Variants in PTPN13 observed in about 807,000 individuals in gnomAD.
The protein encoded by PTPN13 is protein tyrosine phosphatase non-receptor type 13.
In PTPN13, 191 loss-of-function variants were observed where a neutral mutation model predicts 284.0. That is an observed-to-expected ratio of 0.67 (90% CI 0.60 to 0.76). PTPN13 has a LOEUF of 0.76. PTPN13 is among the 30% of genes least tolerant of loss of function. The pLI is 0.00. For missense variants in PTPN13, 2,797 were observed against 2,939.9 expected, an observed-to-expected ratio of 0.95 and a Z score of 1.12; for synonymous variants, 986 against 1,022.3, an observed-to-expected ratio of 0.96 and a Z score of 0.68.
intron 27 of PTPN13, among the ~76,000 whole-genome samples, chr4:86,767,574 A>G (rs892543621): frequency 6.6e-6 from 1 of 152,082 alleles, no homozygotes; most frequent in African/African-American, 2.4e-5. Flanking sequence ...CATGTATTAT[A>G]TTTATAATAG....
intron 32 of PTPN13, among the ~76,000 whole-genome samples, chr4:86,774,168 T>G (rs905016392): frequency 2.0e-4 from 31 of 152,148 alleles, no homozygotes; most frequent in Non-Finnish European, 4.3e-4. Flanking sequence ...AACATAACTT[T>G]TACGTGGGAT....
At position 86,734,783 on chromosome 4, in the gene PTPN13, A is replaced by G. The variant is rs1439862876; in HGVS notation, c.2059A>G (p.Ile687Val). The change falls in exon 14 of 48, where the codon ATT (isoleucine) becomes GTT (valine). Residue 687 changes from isoleucine (I) to valine (V), a missense_variant. Physicochemically the swap from Ile to Val is conservative, Grantham distance 29 (BLOSUM62 3). Coordinates refer to ENST00000411767, the MANE Select transcript of PTPN13 (RefSeq NM_080683.3). The stretch of plus-strand genomic sequence containing the variant: ...GTATTACCTTCAGCTTCGAAAAGAT[A>G]TTTTGGAGGAAAGGATGCACTGTGA... ...HQYYLQLRKD[I>V]LEERMHCDDE... is the part of the protein sequence containing the mutation. The G allele has an allele frequency of 1.2e-6, 2 of 1,613,266 alleles. No individual in the cohort carries two copies. The highest frequency in any genetic ancestry group is 2.2e-5 in the East Asian group (1 of 44,872).
chr4:86,715,992 A>T (rs1426331312), intron 7 of PTPN13, among the ~76,000 whole-genome samples: 2 of 152,176 alleles, frequency 1.3e-5, no homozygotes, highest in Admixed American at 6.5e-5. Flanking sequence ...TGCTTATCTT[A>T]TTCTGGTGGA....
intron 26 of PTPN13, among the ~76,000 whole-genome samples, chr4:86,765,913 C>T (rs868457482): frequency 7.9e-5 from 12 of 151,884 alleles, no homozygotes; most frequent in Non-Finnish European, 1.5e-4. Flanking sequence ...CTGCAACCTC[C>T]GCCTCCTGGG....
intron 3 of PTPN13, among the ~76,000 whole-genome samples, chr4:86,684,010 T>A (rs1729176601): frequency 6.6e-6 from 1 of 152,166 alleles, no homozygotes; most frequent in African/African-American, 2.4e-5. Flanking sequence ...CTTGAACTTC[T>A]TGCACATTTA....
At chr4:86,745,734 C>G (rs1261385696) in intron 17 of PTPN13, among the ~76,000 whole-genome samples, 1 of 151,898 alleles carries the variant, frequency 6.6e-6, no homozygotes, top group Non-Finnish European at 1.5e-5. Flanking sequence ...TGAGGTCGCA[C>G]CATTGCACTC....
In PTPN13 at chr4:86,701,260, T is replaced by A. The variant is rs767517226; in HGVS notation, c.654T>A (p.Asp218Glu). ...TTCCAGGAAGAAGCTCTACTTCTGA[T>A]GTACTAGACATACAAAAGCCTCCAC... ...GLPTGRSSTS[D>E]VLDIQKPPLS... is the part of the protein sequence containing the mutation. The change falls in exon 7 of 48, where the codon GAT (aspartate) becomes GAA (glutamate). Residue 218 changes from aspartate (D) to glutamate (E), a missense_variant. Physicochemically the swap from Asp to Glu is conservative, Grantham distance 45. Transcript: ENST00000411767. 11 of 1,569,570 alleles carry A rather than the reference T, an allele frequency of 7.0e-6. No individual in the cohort carries two copies. Among genetic ancestry groups the A allele is most frequent in the Admixed American group, 2.0e-5 (1 of 50,814 alleles).
At chr4:86,803,940 T>C (rs2149375180) in intron 43 of PTPN13, 83 bp downstream of exon 43, 2 of 1,466,584 alleles carry the variant, frequency 1.4e-6, no homozygotes. Flanking sequence ...GGCCCAAGAT[T>C]AGAAGAATTT....
chr4:86,711,098 CTTT>C (rs58186398), intron 7 of PTPN13, among the ~76,000 whole-genome samples: 2 of 97,104 alleles, frequency 2.1e-5, no homozygotes, highest in African/African-American at 3.9e-5. Flanking sequence ...TAATTATTGC[CTTT>C]TTTTTTTTTT....
chr4:86,712,886 A>G (rs1323258455), intron 7 of PTPN13, among the ~76,000 whole-genome samples: 1 of 152,134 alleles, frequency 6.6e-6, no homozygotes, highest in Non-Finnish European at 1.5e-5. Flanking sequence ...AAGAAAAAAG[A>G]AAATAAAACA....
At chr4:86,742,805 A>T (rs1039293867) in intron 16 of PTPN13, among the ~76,000 whole-genome samples, 2 of 152,212 alleles carry the variant, frequency 1.3e-5, no homozygotes, top group Non-Finnish European at 2.9e-5. Flanking sequence ...AGATTGATTA[A>T]TTATAAATCC....
At chr4:86,700,341 A>G (rs572871770) in intron 6 of PTPN13, among the ~76,000 whole-genome samples, 1 of 152,288 alleles carries the variant, frequency 6.6e-6, no homozygotes, top group Admixed American at 6.5e-5. Flanking sequence ...GTTAGTGACT[A>G]TAAAATATTT....
At position 86,597,999 on chromosome 4, in the gene PTPN13, T is replaced by C. The variant is rs189918318; in HGVS notation, c.-6+3210T>C. Among the ~76,000 whole-genome samples the C allele has an allele frequency of 3.0e-4, 45 of 152,350 alleles. 1 individual carries two copies. Among genetic ancestry groups the C allele is most frequent in the African/African-American group, 1.1e-3 (44 of 41,580 alleles). On this transcript the variant is annotated intron_variant, in intron 1 of 47. Coordinates refer to ENST00000411767, the MANE Select transcript of PTPN13 (RefSeq NM_080683.3). ...ACACTGGAAAAGTATGAAAATTCTC[T>C]GAAACAAACTGTCTCAAAGAAAATC...
rs553224996 is a variant in PTPN13 at position 86,779,035 on chromosome 4, T to C, written c.5892-1367T>C. Among the ~76,000 whole-genome samples, 18 of 151,350 alleles carry C rather than the reference T, an allele frequency of 1.2e-4. No homozygotes were observed. The South Asian group carries it at 3.8e-3, about 32-fold the overall frequency. On this transcript the variant is annotated intron_variant, in intron 35 of 47. Transcript: ENST00000411767. ...CTAGCCAAGAACCTATATGGCCTTC[T>C]TTTGGACAAACCTTGAAAATGTTTC...
intron 7 of PTPN13, among the ~76,000 whole-genome samples, chr4:86,703,898 C>T (rs1287552013): frequency 6.6e-6 from 1 of 151,972 alleles, no homozygotes; most frequent in African/African-American, 2.4e-5. Flanking sequence ...ATTGGCCAGG[C>T]GTGGTGGCTC....
intron 17 of PTPN13, among the ~76,000 whole-genome samples, chr4:86,746,718 C>T (rs896656249): frequency 3.9e-5 from 6 of 152,032 alleles, no homozygotes; most frequent in Admixed American, 6.6e-5. Flanking sequence ...CTGCAACATT[C>T]GCCTTCTGGT....
Position 86,758,693 on chromosome 4 carries a change from G to A in PTPN13, c.3329G>A (p.Gly1110Asp), listed in dbSNP as rs199872968. The A allele has an allele frequency of 8.1e-6, 13 of 1,612,908 alleles. No homozygotes were observed. In the African/African-American group the frequency reaches 1.2e-4, roughly 15 times the overall value. ...TATTTTACAGGATTTCAAATTATTGGTGGGGAGAAGATGGGAAGACTGGAC... is the reference window on the plus strand; with the variant it reads ...TATTTTACAGGATTTCAAATTATTGATGGGGAGAAGATGGGAAGACTGGAC... ...AKYGLGFQII[G>D]GEKMGRLDLG... The change falls in exon 22 of 48, where the codon GGT becomes GAT. Residue 1110 changes from glycine (G) to aspartate (D), a missense_variant. Coordinates refer to ENST00000411767, the MANE Select transcript of PTPN13 (RefSeq NM_080683.3).
chr4:86,659,212 A>T (rs1726194227), intron 2 of PTPN13, among the ~76,000 whole-genome samples: 1 of 152,138 alleles, frequency 6.6e-6, no homozygotes, highest in African/African-American at 2.4e-5. Context: ...TCTGTATTTT[A>T]TTTAATCCAA....
At position 86,751,211 on chromosome 4, in the gene PTPN13, T is replaced by C. The variant is rs555461629; in HGVS notation, c.3166+87T>C. 4.0e-6 allele frequency: 4 copies of C among 1,009,754 alleles called. No homozygotes were observed. The South Asian group carries it at 4.7e-5, about 12-fold the overall frequency. The allele number at this position is 1,009,754 out of a possible 1,614,324, so 62.5% of individuals were successfully genotyped here. On this transcript the variant is annotated intron_variant, in intron 19 of 47. Transcript: ENST00000411767. ...GATCATCTTAATTATCAAATTATTT[T>C]GGGTTCCATGTCCTAATTGCCAAAA...
Sources: allele counts gnomAD v4.1 joint callset (sites outside exome capture counted in the v4.1 genomes callset), GRCh38; gene constraint gnomAD v4.1.1; transcripts MANE v1.5; gene names NCBI Gene and HGNC (gene_info 2026-07-23, HGNC 2026-07-21).